RERG: variants seen among roughly 807,000 people sequenced by gnomAD.
RERG encodes RAS like estrogen regulated growth inhibitor, also known as ras-related and estrogen-regulated growth inhibitor.
Under a neutral mutation model 23.2 loss-of-function variants are expected in RERG, and 25 were observed. The ratio of observed to expected loss-of-function variants is 1.08; its 90% CI spans 0.79 to 1.50. RERG has a LOEUF of 1.50. Ranked by LOEUF, RERG falls within the 40% of genes most tolerant of loss-of-function variation. The probability of loss-of-function intolerance (pLI) is 0.00; values close to 1 mark genes in which losing one functional copy is unlikely to be tolerated. For missense variants in RERG, 253 were observed against 250.1 expected (o/e 1.01, Z -0.08); for synonymous variants, 81 against 89.1 (o/e 0.91, Z 0.51).
At chr12:15,165,594 G>T (rs1472686333) in intron 2 of RERG, among the ~76,000 whole-genome samples, 2 of 152,134 alleles carry the variant, frequency 1.3e-5, no homozygotes, top group African/African-American at 4.8e-5. Context: ...TTCATTTACA[G>T]CATGTAGGGA....
At chr12:15,174,962 C>T (rs1864827292) in intron 2 of RERG, among the ~76,000 whole-genome samples, 2 of 151,944 alleles carry the variant, frequency 1.3e-5, no homozygotes, top group African/African-American at 4.8e-5. Context: ...ATTTGGGATC[C>T]CTCAGGGCCA....
At chr12:15,194,378 G>T (rs1865113914) in intron 2 of RERG, among the ~76,000 whole-genome samples, 1 of 151,926 alleles carries the variant, frequency 6.6e-6, no homozygotes. Context: ...CTCACATATT[G>T]TCTGCTACTC....
intron 2 of RERG, among the ~76,000 whole-genome samples, chr12:15,191,520 T>A (rs1865070734): frequency 6.6e-6 from 1 of 152,100 alleles, no homozygotes; most frequent in African/African-American, 2.4e-5. Flanking sequence ...CTAGCTGCCA[T>A]CGTATTTAGG....
chr12:15,154,704 T>C (rs1170028004), intron 2 of RERG, among the ~76,000 whole-genome samples: 3 of 152,322 alleles, frequency 2.0e-5, no homozygotes, highest in South Asian at 4.2e-4. Flanking sequence ...GGACAATCAA[T>C]GTAGGTTGAA....
chr12:15,149,841 C>T (rs1011649663), intron 2 of RERG, among the ~76,000 whole-genome samples: 1 of 151,960 alleles, frequency 6.6e-6, no homozygotes, highest in Non-Finnish European at 1.5e-5. Flanking sequence ...TAAATGGTGT[C>T]TAGGACCAGC....
chr12:15,184,818 G>T (rs1402787786), intron 2 of RERG, among the ~76,000 whole-genome samples: 1 of 152,124 alleles, frequency 6.6e-6, no homozygotes, highest in Non-Finnish European at 1.5e-5. Flanking sequence ...TCTGAACTGA[G>T]GCACTTAGGA....
chr12:15,128,906 CT>C (rs1260802127), intron 2 of RERG, among the ~76,000 whole-genome samples: 1 of 152,164 alleles, frequency 6.6e-6, no homozygotes, highest in Non-Finnish European at 1.5e-5. Flanking sequence ...GGGTCCAACA[CT>C]TTTAGTTCTT....
intron 2 of RERG, among the ~76,000 whole-genome samples, chr12:15,128,124 C>T (rs529672476): frequency 5.9e-5 from 9 of 151,956 alleles, no homozygotes; most frequent in African/African-American, 9.7e-5. Flanking sequence ...TTAACGTGAG[C>T]GTACATCTTA....
intron 2 of RERG, among the ~76,000 whole-genome samples, chr12:15,132,898 A>AT (rs1214341816): frequency 4.6e-5 from 7 of 151,762 alleles, no homozygotes; most frequent in Non-Finnish European, 5.9e-5. Context: ...ATGAGACGTG[A>AT]TTTTTTACAG....
rs767703721 is a variant in RERG, at chr12:15,109,217, G to A, written c.493C>T (p.Arg165Ter). The A allele has an allele frequency of 1.4e-5, 23 of 1,613,172 alleles. No homozygotes were observed. Among genetic ancestry groups the A allele is most frequent in the Admixed American group, 1.7e-5 (1 of 59,938 alleles). The change falls in exon 5 of 5, where the codon CGA (arginine) becomes TGA (stop). Residue 165 changes from arginine to a stop codon, truncating the protein, a stop_gained. Coordinates refer to ENST00000256953, the MANE Select transcript of RERG (RefSeq NM_032918.3). LOFTEE classifies it high-confidence loss of function. ...ACCATCCTCCGGCGACGCACCTCTC[G>A]ACACAATTCATAGAATATCTCTGTG... is the stretch of plus-strand genomic sequence containing the variant. ...NITEIFYELC[R>*]EVRRRRMVQG... is the part of the protein sequence containing the mutation.
intron 1 of RERG, 97 bp from the exon 2 acceptor site, chr12:15,217,700 A>G (rs546853848): frequency 1.4e-5 from 7 of 516,980 alleles, no homozygotes; most frequent in Admixed American, 3.5e-5. Context: ...CACTTTTTCA[A>G]CATTTTCTGG....
intron 2 of RERG, among the ~76,000 whole-genome samples, chr12:15,174,429 G>A (rs924186484): frequency 2.0e-5 from 3 of 151,632 alleles, no homozygotes; most frequent in Non-Finnish European, 2.9e-5. Context: ...CTATAATAAT[G>A]TATAGGTATG....
At chr12:15,215,739 T>G (rs537063556) in intron 2 of RERG, among the ~76,000 whole-genome samples, 2 of 151,756 alleles carry the variant, frequency 1.3e-5, no homozygotes, top group Non-Finnish European at 2.9e-5. Flanking sequence ...AATGGTCAGG[T>G]GAGAATGAGA....
At chr12:15,169,152 G>A (rs1315214783) in intron 2 of RERG, among the ~76,000 whole-genome samples, 1 of 152,202 alleles carries the variant, frequency 6.6e-6, no homozygotes, top group African/African-American at 2.4e-5. Flanking sequence ...AGGAGGTGAA[G>A]TTTAAATAGT....
chr12:15,168,276 T>C (rs1282867727), intron 2 of RERG, among the ~76,000 whole-genome samples: 3 of 152,206 alleles, frequency 2.0e-5, no homozygotes, highest in African/African-American at 4.8e-5. Context: ...AGCTTCTTCG[T>C]TGCGGTCTGC....
chr12:15,139,517 G>A (rs551363293), intron 2 of RERG, among the ~76,000 whole-genome samples: 43 of 151,898 alleles, frequency 2.8e-4, no homozygotes, highest in Non-Finnish European at 5.0e-4. Flanking sequence ...AATGCTTCTC[G>A]CATAGATCTG....
At chr12:15,211,399 G>C (rs1865364605) in intron 2 of RERG, among the ~76,000 whole-genome samples, 1 of 151,274 alleles carries the variant, frequency 6.6e-6, no homozygotes, top group Non-Finnish European at 1.5e-5. Context: ...GAACATAGAG[G>C]AAATGATGCT....
intron 2 of RERG, among the ~76,000 whole-genome samples, chr12:15,203,960 T>C (rs940674864): frequency 2.0e-5 from 3 of 151,616 alleles, no homozygotes; most frequent in Non-Finnish European, 1.5e-5. Context: ...TGTTAATGAA[T>C]TGGAAGACTT....
chr12:15,210,475 CAT>C (rs1208600072), intron 2 of RERG, among the ~76,000 whole-genome samples: 1 of 152,142 alleles, frequency 6.6e-6, no homozygotes, highest in Non-Finnish European at 1.5e-5. Context: ...CCCCCCCAAT[CAT>C]ATTTTTCTTA....
Sources: allele counts gnomAD v4.1 joint callset (sites outside exome capture counted in the v4.1 genomes callset), GRCh38; gene constraint gnomAD v4.1.1; transcripts MANE v1.5; gene names NCBI Gene and HGNC (gene_info 2026-07-23, HGNC 2026-07-21).